Variants in MGAM observed in about 807,000 individuals in gnomAD.
MGAM encodes maltase-glucoamylase.
In MGAM, 253 loss-of-function variants were observed where a neutral mutation model predicts 358.8. That is an observed-to-expected ratio of 0.71 (90% CI 0.64 to 0.78). The LOEUF is 0.78. Among genes scored for constraint, MGAM ranks in the 30% least tolerant of loss-of-function variants. The pLI, the probability that MGAM is intolerant of heterozygous loss-of-function variation, is 0.00. For synonymous variants in MGAM, 1,105 were observed against 1,227.1 expected, an observed-to-expected ratio of 0.90 and a Z score of 2.08; for missense variants, 3,080 against 3,432.6, an observed-to-expected ratio of 0.90 and a Z score of 2.57.
At position 142,066,321 on chromosome 7, in the gene MGAM, T is replaced by A. The variant is rs190702645; in HGVS notation, c.4771-252T>A. ...CCTCATTGTGCTTTAGATTATTATT[T>A]TTTTCCTGTATTTCAGGCAGAATTT... On this transcript the variant is annotated intron_variant, in intron 40 of 70. Coordinates refer to ENST00000475668, the MANE Select transcript of MGAM (RefSeq NM_001365693.1). Among the ~76,000 whole-genome samples, 258 of 146,084 alleles carry A rather than the reference T, an allele frequency of 1.8e-3. 8 individuals carry two copies. The highest frequency in any genetic ancestry group is 6.2e-3 in the African/African-American group (256 of 41,220).
rs1423281408 is a variant in MGAM at position 142,099,669 on chromosome 7, C to G, written c.7806C>G (p.His2602Gln). 1 of 1,613,848 alleles carries G rather than the reference C, an allele frequency of 6.2e-7. No individual in the cohort carries two copies. Among genetic ancestry groups the G allele is most frequent in the Non-Finnish European group, 8.5e-7 (1 of 1,179,888 alleles). ...EWKTLPAPLDHINLHVRGGYI... is the reference protein window; with the variant it reads ...EWKTLPAPLDQINLHVRGGYI... ...AGACCTTGCCAGCCCCTCTTGACCA[C>G]ATTAATCTTCATGTCCGTGGGGGCT... The change falls in exon 67 of 71, where the codon CAC becomes CAG. Residue 2602 changes from histidine to glutamine, a missense_variant. Around this residue, in one of 5 missense-constraint regions of MGAM, gnomAD observed 932 missense variants for 1,198.2 expected, o/e 0.78. Transcript: ENST00000475668.
intron 8 of MGAM, among the ~76,000 whole-genome samples, chr7:142,025,563 G>A (rs1351807020): frequency 6.6e-6 from 1 of 151,976 alleles, no homozygotes; most frequent in Non-Finnish European, 1.5e-5. Flanking sequence ...GTGGGCATAG[G>A]GTATTGATCC....
At chr7:142,006,743 G>A (rs141569864) in intron 2 of MGAM, among the ~76,000 whole-genome samples, 2 of 152,248 alleles carry the variant, frequency 1.3e-5, no homozygotes, top group East Asian at 3.9e-4. Context: ...GGTACCCGTA[G>A]AGCAGAAAGT....
chr7:142,054,034 A>G (rs1460891548), intron 26 of MGAM, among the ~76,000 whole-genome samples: 1 of 152,172 alleles, frequency 6.6e-6, no homozygotes, highest in Non-Finnish European at 1.5e-5. Flanking sequence ...CACCAGAATG[A>G]CTTGATCTCC....
Position 142,094,904 on chromosome 7 carries a change from A to G in MGAM, c.7458+41A>G, listed in dbSNP as rs1352168658. On this transcript the variant is annotated intron_variant, in intron 63 of 70. Coordinates refer to ENST00000475668, the MANE Select transcript of MGAM (RefSeq NM_001365693.1). ...CTACCTCCAGTGTTTCACTTGAAAC[A>G]CAGCCTCCATTTCTGACCTAAAGTT... 1.9e-6 allele frequency: 3 copies of G among 1,593,984 alleles called. No individual in the cohort carries two copies. The Admixed American group carries it at 5.1e-5, about 27-fold the overall frequency.
At chr7:142,058,110 CT>C (rs1563176709) in intron 30 of MGAM, 92 bp from the exon 31 acceptor site, 4 of 1,576,392 alleles carry the variant, frequency 2.5e-6, no homozygotes, top group Non-Finnish European at 3.5e-6. Context: ...AGTTGTCTAG[CT>C]TGGGGCACAG....
intron 3 of MGAM, 100 bp from the exon 4 acceptor site, chr7:142,019,099 A>G (rs1239837785): frequency 1.5e-6 from 2 of 1,330,210 alleles, no homozygotes; most frequent in Admixed American, 4.6e-5. Context: ...TTGTAAAATG[A>G]AATTATTCAT....
Position 142,079,740 on chromosome 7 carries a change from T to G in MGAM, c.5847+732T>G, listed in dbSNP as rs575357252. Among the ~76,000 whole-genome samples the G allele has an allele frequency of 1.6e-4, 23 of 146,510 alleles. 4 individuals are homozygous for G. Among genetic ancestry groups the G allele is most frequent in the Middle Eastern group, 7.1e-3 (2 of 280 alleles). ...GCCTGGCAGATAGTTAGTGCTGTAA[T>G]GTAATTGACAGAGTAAGTGAAAGTG... On this transcript the variant is annotated intron_variant, in intron 49 of 70. Coordinates refer to ENST00000475668, the MANE Select transcript of MGAM (RefSeq NM_001365693.1).
chr7:142,091,872 A>G lies in MGAM; in HGVS notation c.6811-41A>G, dbSNP rs565757949. 40 of 1,385,452 alleles carry G rather than the reference A, an allele frequency of 2.9e-5. 7 individuals carry two copies. Among genetic ancestry groups the G allele is most frequent in the Admixed American group, 6.6e-5 (3 of 45,178 alleles). 85.8% of individuals were successfully genotyped at this position (1,385,452 alleles called of 1,614,324 possible). On this transcript the variant is annotated intron_variant, in intron 57 of 70. Transcript: ENST00000475668. ...AGTAAGTGCCTGTTTGCTGTCTTCTATATTTGTGTGGGACAAAGAAATTAT... is the reference window on the plus strand; with the variant it reads ...AGTAAGTGCCTGTTTGCTGTCTTCTGTATTTGTGTGGGACAAAGAAATTAT...
At chr7:142,050,173 G>T (rs1041476105) in intron 22 of MGAM, 62 bp from the exon 23 acceptor site, 21 of 1,533,652 alleles carry the variant, frequency 1.4e-5, no homozygotes, top group Non-Finnish European at 1.9e-5. Flanking sequence ...GAGTGGTAGG[G>T]TGAAATCTGT....
rs554528542 is a variant in MGAM at position 142,038,504 on chromosome 7, T to G, written c.2232-27T>G. The G allele has an allele frequency of 5.8e-6, 9 of 1,564,426 alleles. No homozygotes were observed. The South Asian group carries it at 8.1e-5, about 14-fold the overall frequency. ...AATCTCATTGGCAGTGGCTCAAATC[T>G]CAGTGAACTGTCTCTCTGGTTTTCA... On this transcript the variant is annotated intron_variant, in intron 18 of 70. Transcript: ENST00000475668.
In MGAM at chr7:142,038,618, A is replaced by G. The variant is rs760229206; in HGVS notation, c.2316+3A>G. The G allele has an allele frequency of 5.9e-5, 94 of 1,602,686 alleles. No individual in the cohort carries two copies. The highest frequency in any genetic ancestry group is 7.9e-5 in the Non-Finnish European group (93 of 1,173,692). ...TCATCACTCCAGTTCTGGATGAAGT[A>G]AGTGTTCCCACAGAGATACACTAGA... On this transcript the variant is annotated splice_donor_region_variant and intron_variant, in intron 19 of 70. Transcript: ENST00000475668.
chr7:142,087,100 G>A (rs1814826758), intron 57 of MGAM, among the ~76,000 whole-genome samples: 1 of 141,514 alleles, frequency 7.1e-6, no homozygotes, highest in African/African-American at 2.5e-5. Context: ...TTGTTGCCTT[G>A]GTTATCCCTT....
At chr7:142,043,770 C>T (rs1809466779) in intron 21 of MGAM, among the ~76,000 whole-genome samples, 1 of 78,486 alleles carries the variant, frequency 1.3e-5, no homozygotes, top group Non-Finnish European at 2.9e-5. Context: ...ATAATATATA[C>T]ATTATATACA....
In MGAM at chr7:142,052,871, A is replaced by G. The variant is rs1811142435; in HGVS notation, c.3046A>G (p.Thr1016Ala). The change falls in exon 26 of 71, where the codon ACA becomes GCA. Residue 1016 changes from threonine to alanine, a missense_variant. Around this residue, in one of 5 missense-constraint regions of MGAM, gnomAD observed 1,816 missense variants for 1,840.5 expected, o/e 0.99. Coordinates refer to ENST00000475668, the MANE Select transcript of MGAM (RefSeq NM_001365693.1). ...SDVQYNSHGA[T>A]ADISLKSSVY... ...TGTTCAGTATAATTCCCATGGGGCC[A>G]CAGCTGACATCTCCTTAAAGTCTTC... The G allele has an allele frequency of 1.9e-6, 3 of 1,613,738 alleles. No homozygotes were observed. Among genetic ancestry groups the G allele is most frequent in the South Asian group, 2.2e-5 (2 of 91,074 alleles).
Position 142,042,004 on chromosome 7 carries a change from TATATA to T in MGAM, c.2498+1169_2498+1173del, listed in dbSNP as rs1309931304. 2.7e-4 allele frequency among the ~76,000 whole-genome samples: 4 copies of T among 14,910 alleles called. 1 individual carries two copies. The highest frequency in any genetic ancestry group is 1.2e-3 in the African/African-American group (4 of 3,472). The allele number at this position is 14,910 out of a possible 152,430, so 9.8% of individuals were successfully genotyped here. ...TATAATATAATATATATATATTATA[TATATA>T]ATATAATATATATATATTATATTAT... On this transcript the variant is annotated intron_variant, in intron 21 of 70. Coordinates refer to ENST00000475668, the MANE Select transcript of MGAM (RefSeq NM_001365693.1).
In MGAM at chr7:142,064,293, G is replaced by C. The variant is rs189416796; in HGVS notation, c.4346-91G>C. ...AGCGACACAGGCAGGACTGAAGTTA[G>C]TCTTAAGATCCAGGGCCCAGTCCCT... On this transcript the variant is annotated intron_variant, in intron 36 of 70. Coordinates refer to ENST00000475668, the MANE Select transcript of MGAM (RefSeq NM_001365693.1). The C allele has an allele frequency of 7.8e-6, 12 of 1,530,122 alleles. No individual in the cohort carries two copies. In the East Asian group the frequency reaches 2.7e-4, roughly 34 times the overall value. 94.8% of individuals were successfully genotyped at this position (1,530,122 alleles called of 1,614,324 possible).
chr7:142,057,110 A>G (rs1811628178), intron 30 of MGAM, among the ~76,000 whole-genome samples, 168 bp downstream of exon 30: 1 of 152,228 alleles, frequency 6.6e-6, no homozygotes, highest in Non-Finnish European at 1.5e-5. Flanking sequence ...CATTAAATTT[A>G]TAGCCTCTGT....
chr7:142,031,879 G>A, intron 13 of MGAM, 86 bp downstream of exon 13: 11 of 862,836 alleles, frequency 1.3e-5, no homozygotes, highest in Non-Finnish European at 2.1e-5. Flanking sequence ...CAGAGCATAG[G>A]GAGAGGAGGA....
Sources: allele counts gnomAD v4.1 joint callset (sites outside exome capture counted in the v4.1 genomes callset), GRCh38; gene constraint gnomAD v4.1.1; regional missense constraint gnomAD v4.1.1; transcripts MANE v1.5; gene names NCBI Gene and HGNC (gene_info 2026-07-23, HGNC 2026-07-21).